The following STAB2 variants were observed in gnomAD, a reference collection of about 807,000 sequenced individuals.
The protein encoded by STAB2 is stabilin 2.
STAB2 carries 288 observed loss-of-function variants against 338.1 expected under a neutral mutation model. The ratio of observed to expected loss-of-function variants is 0.85; its 90% CI spans 0.77 to 0.94. STAB2 has a LOEUF of 0.94. Among genes scored for constraint, STAB2 ranks in the 40% least tolerant of loss-of-function variants. The pLI, the probability that STAB2 is intolerant of heterozygous loss-of-function variation, is 0.00. For synonymous variants in STAB2, 1,202 were observed against 1,193.3 expected (o/e 1.01, Z -0.15); for missense variants, 3,141 against 3,210.1 (o/e 0.98, Z 0.52).
chr12:103,660,545 G>C (rs1034572788), intron 16 of STAB2, 138 bp from the exon 17 acceptor site: 2 of 1,285,984 alleles, frequency 1.6e-6, no homozygotes, highest in Admixed American at 1.8e-5. Context: ...GATCTTCAAA[G>C]CCACAAAAAC....
chr12:103,735,652 C>T (rs1379813158), intron 52 of STAB2, 72 bp downstream of exon 52: 5 of 1,195,360 alleles, frequency 4.2e-6, no homozygotes, highest in Non-Finnish European at 1.2e-6. Flanking sequence ...CAACAACTGC[C>T]CCTTCAAGGA....
chr12:103,690,612 T>C (rs548086398), intron 30 of STAB2, 74 bp downstream of exon 30: 1 of 1,338,562 alleles, frequency 7.5e-7, no homozygotes, highest in East Asian at 2.4e-5. Flanking sequence ...TAAATTTTCA[T>C]GTTATGGGAA....
At chr12:103,745,972 T>C (rs1185896928) in intron 57 of STAB2, among the ~76,000 whole-genome samples, 1 of 152,174 alleles carries the variant, frequency 6.6e-6, no homozygotes, top group Non-Finnish European at 1.5e-5. Flanking sequence ...GAATTATCCA[T>C]GTGAATGACT....
At chr12:103,703,535 T>G (rs565680867) in intron 35 of STAB2, among the ~76,000 whole-genome samples, 161 of 152,068 alleles carry the variant, frequency 1.1e-3, no homozygotes, top group Middle Eastern at 3.4e-3. Context: ...CTGCCAGGTG[T>G]GTGGGGATGG....
chr12:103,730,033 C>A, intron 48 of STAB2, 83 bp from the exon 49 acceptor site: 1 of 1,351,554 alleles, frequency 7.4e-7, no homozygotes, highest in Non-Finnish European at 9.9e-7. Context: ...TAATTTGACA[C>A]ATTGGTAAAG....
intron 9 of STAB2, among the ~76,000 whole-genome samples, chr12:103,642,364 T>C (rs1410898649): frequency 2.0e-5 from 3 of 152,218 alleles, no homozygotes; most frequent in Non-Finnish European, 4.4e-5. Flanking sequence ...AGTGGGCCTA[T>C]TGTAATAAGC....
chr12:103,590,687 A>G (rs539517450), intron 1 of STAB2, among the ~76,000 whole-genome samples: 1 of 152,284 alleles, frequency 6.6e-6, no homozygotes, highest in South Asian at 2.1e-4. Context: ...TTTCACCTAC[A>G]GCCATGGCAG....
At chr12:103,663,234 C>T (rs986241570) in intron 18 of STAB2, among the ~76,000 whole-genome samples, 2 of 152,222 alleles carry the variant, frequency 1.3e-5, no homozygotes, top group African/African-American at 2.4e-5. Flanking sequence ...GGAATATTGG[C>T]TCCTCAGAGC....
rs750388161 is a variant in STAB2 at position 103,715,825 on chromosome 12, G to A, written c.4548G>A (p.Pro1516=). Residue 1516 remains proline (P), a synonymous_variant, in exon 43 of 69, where the codon CCG becomes CCA. Coordinates refer to ENST00000388887, the MANE Select transcript of STAB2 (RefSeq NM_017564.10). The part of the protein sequence containing the change: ...GDGIVCLEIN[P]CLENHGGCDK... Reference sequence around the variant, plus strand: ...CTTTTTGTTTTAAAGAAATCAACCCGTGTTTGGAGAACCATGGTGGCTGTG... The same window carrying A: ...CTTTTTGTTTTAAAGAAATCAACCCATGTTTGGAGAACCATGGTGGCTGTG... The A allele has an allele frequency of 3.0e-5, 48 of 1,613,918 alleles. No individual in the cohort carries two copies. In the African/African-American group the frequency reaches 3.5e-4, roughly 12 times the overall value.
intron 6 of STAB2, among the ~76,000 whole-genome samples, chr12:103,633,175 C>T (rs1327112414): frequency 6.6e-6 from 1 of 152,182 alleles, no homozygotes; most frequent in Non-Finnish European, 1.5e-5. Context: ...GACTCCTGGG[C>T]AGAGGCCTTC....
At chr12:103,605,323 T>C (rs535555511) in intron 3 of STAB2, among the ~76,000 whole-genome samples, 1 of 140,136 alleles carries the variant, frequency 7.1e-6, no homozygotes, top group East Asian at 2.0e-4. Context: ...ATTGACTTGT[T>C]TTATGACCTA....
At chr12:103,709,817 G>A (rs1021921250) in intron 39 of STAB2, among the ~76,000 whole-genome samples, 1 of 152,130 alleles carries the variant, frequency 6.6e-6, no homozygotes, top group Non-Finnish European at 1.5e-5. Context: ...GGAAGCAATG[G>A]GGTCACATAA....
intron 53 of STAB2, 25 bp from the exon 54 acceptor site, chr12:103,739,387 A>T: frequency 6.4e-7 from 1 of 1,559,848 alleles, no homozygotes; most frequent in Non-Finnish European, 8.7e-7. Context: ...CTTGGTTTTC[A>T]AGTGTTTCTT....
chr12:103,668,611 C>T, intron 19 of STAB2, 32 bp from the exon 20 acceptor site: 1 of 1,545,118 alleles, frequency 6.5e-7, no homozygotes, highest in Non-Finnish European at 8.8e-7. Flanking sequence ...AACATGCTGA[C>T]TGCCATGCTT....
chr12:103,646,867 G>A (rs543308994), intron 9 of STAB2, among the ~76,000 whole-genome samples: 3 of 152,304 alleles, frequency 2.0e-5, no homozygotes, highest in Admixed American at 1.3e-4. Context: ...TGGTGGATAG[G>A]GTTGTGATAG....
rs539315305 is a variant in STAB2, at chr12:103,668,582, G to A, written c.2086-61G>A. On this transcript the variant is annotated intron_variant, in intron 19 of 68. Coordinates refer to ENST00000388887, the MANE Select transcript of STAB2 (RefSeq NM_017564.10). ...AATGGCAAGTGTCTGCAGAGGGTGT[G>A]CAGTGCCTGGAGGACCTAAACATGC... 5 of 1,413,268 alleles carry A rather than the reference G, an allele frequency of 3.5e-6. No homozygotes were observed. The South Asian group carries it at 6.2e-5, about 17-fold the overall frequency. 87.5% of individuals were successfully genotyped at this position (1,413,268 alleles called of 1,614,324 possible).
In STAB2 at chr12:103,695,794, A is replaced by G; in HGVS notation, c.3532A>G (p.Asn1178Asp). The change falls in exon 33 of 69, where the codon AAC becomes GAC. Residue 1178 changes from asparagine to aspartate, a missense_variant. By Grantham distance (23) the Asn-to-Asp change is conservative (BLOSUM62 1). Coordinates refer to ENST00000388887, the MANE Select transcript of STAB2 (RefSeq NM_017564.10). ...CGATGCCTACACAGTGTTTGCTCCA[A>G]ACAACAATGCCATCGAGAATTACAT... ...AADAYTVFAPNNNAIENYIRE... is the reference protein window; with the variant it reads ...AADAYTVFAPDNNAIENYIRE... 6.2e-7 allele frequency: 1 copy of G among 1,614,186 alleles called. No individual in the cohort carries two copies. The highest frequency in any genetic ancestry group is 8.5e-7 in the Non-Finnish European group (1 of 1,180,028).
chr12:103,704,721 T>A, intron 36 of STAB2, 107 bp downstream of exon 36: 3 of 940,798 alleles, frequency 3.2e-6, no homozygotes, highest in Non-Finnish European at 3.2e-6. Flanking sequence ...TTCCTTCACT[T>A]AATTTGAATT....
intron 33 of STAB2, among the ~76,000 whole-genome samples, chr12:103,698,740 C>T (rs1037616493): frequency 3.3e-5 from 5 of 152,164 alleles, no homozygotes; most frequent in African/African-American, 9.7e-5. Context: ...AAGCTCCTCT[C>T]GTGCCCCAGA....
Sources: gnomAD v4.1 joint callset for allele counts (sites outside exome capture counted in the v4.1 genomes callset) on GRCh38, gnomAD v4.1.1 for gene constraint, MANE v1.5 for transcripts, NCBI Gene and HGNC (gene_info 2026-07-23, HGNC 2026-07-21) for gene names.